L3MBTL3: variants seen among roughly 807,000 people sequenced by gnomAD.
L3MBTL3 encodes lethal(3)malignant brain tumor-like protein 3.
A neutral mutation model predicts 102.3 loss-of-function variants in L3MBTL3; 27 were observed. That is an observed-to-expected ratio of 0.26 (90% CI 0.19 to 0.36). L3MBTL3 has a LOEUF of 0.36. Ranked by LOEUF, L3MBTL3 falls within the 10% of genes least tolerant of loss-of-function variation. The pLI, the probability that L3MBTL3 is intolerant of heterozygous loss-of-function variation, is 1.00. For synonymous variants in L3MBTL3, 340 were observed against 320.9 expected, an observed-to-expected ratio of 1.06 and a Z score of -0.64; for missense variants, 798 against 955.3, an observed-to-expected ratio of 0.84 and a Z score of 2.17.
At chr6:130,064,294 TGAGACTA>T (rs1782098898) in intron 10 of L3MBTL3, among the ~76,000 whole-genome samples, 2 of 152,166 alleles carry the variant, frequency 1.3e-5, no homozygotes, top group South Asian at 4.1e-4. Context: ...AGGATCAGTG[TGAGACTA>T]GAGTTTCTGT....
intron 2 of L3MBTL3, among the ~76,000 whole-genome samples, chr6:130,031,985 C>A (rs1779752751): frequency 6.6e-6 from 1 of 152,056 alleles, no homozygotes; most frequent in African/African-American, 2.4e-5. Context: ...GATCATAGCT[C>A]ACTGAAGCCT....
At chr6:130,095,819 ACCGCT>A (rs1466414918) in intron 18 of L3MBTL3, among the ~76,000 whole-genome samples, 1 of 152,116 alleles carries the variant, frequency 6.6e-6, no homozygotes, top group African/African-American at 2.4e-5. Context: ...TTTTATAACA[ACCGCT>A]CCCATGATAA....
intron 18 of L3MBTL3, among the ~76,000 whole-genome samples, chr6:130,103,634 G>A (rs770619821): frequency 6.6e-6 from 1 of 152,218 alleles, no homozygotes; most frequent in Non-Finnish European, 1.5e-5. Flanking sequence ...GGAGGCCCAT[G>A]TATATTGGGG....
chr6:130,102,014 T>C (rs950343949), intron 18 of L3MBTL3, among the ~76,000 whole-genome samples: 1 of 152,092 alleles, frequency 6.6e-6, no homozygotes, highest in African/African-American at 2.4e-5. Context: ...GCAAGTAACA[T>C]CTCTGCTTGG....
At chr6:130,104,750 TA>T (rs1784887323) in intron 19 of L3MBTL3, among the ~76,000 whole-genome samples, 175 bp downstream of exon 19, 1 of 151,860 alleles carries the variant, frequency 6.6e-6, no homozygotes, top group Non-Finnish European at 1.5e-5. Context: ...AAAAAAAAAT[TA>T]GAGAATTGAT....
chr6:130,037,507 GAA>G (rs1180764648), intron 2 of L3MBTL3, among the ~76,000 whole-genome samples: 1 of 151,882 alleles, frequency 6.6e-6, no homozygotes, highest in Non-Finnish European at 1.5e-5. Flanking sequence ...TAGTGAGAGA[GAA>G]GTCATACTAA....
chr6:130,109,961 T>G (rs1785246301), intron 19 of L3MBTL3, among the ~76,000 whole-genome samples: 1 of 152,232 alleles, frequency 6.6e-6, no homozygotes, highest in Non-Finnish European at 1.5e-5. Context: ...GAAAATCGTT[T>G]CCCGCTTGCT....
At chr6:130,081,357 G>GC (rs1293583088) in intron 14 of L3MBTL3, among the ~76,000 whole-genome samples, 2 of 151,856 alleles carry the variant, frequency 1.3e-5, no homozygotes, top group African/African-American at 4.8e-5. Context: ...TTTAAATTGT[G>GC]CAAGATGTGT....
chr6:130,072,807 A>G (rs1367813898), intron 13 of L3MBTL3, among the ~76,000 whole-genome samples: 1 of 152,178 alleles, frequency 6.6e-6, no homozygotes, highest in Admixed American at 6.6e-5. Context: ...TAACATACTT[A>G]AATATTTCTC....
intron 18 of L3MBTL3, among the ~76,000 whole-genome samples, chr6:130,101,057 A>T (rs1431896860): frequency 6.6e-6 from 1 of 152,254 alleles, no homozygotes; most frequent in African/African-American, 2.4e-5. Context: ...ATTTAGAGAA[A>T]CTAAAAAAGT....
At position 130,060,219 on chromosome 6, in the gene L3MBTL3, T is replaced by C. The variant is rs111358917; in HGVS notation, c.864+79T>C. ...TAAAATGAGGAAAAACTGCCATTGGTTGTATTTCATGCCAGGCATGGTGCT... is the reference window on the plus strand; with the variant it reads ...TAAAATGAGGAAAAACTGCCATTGGCTGTATTTCATGCCAGGCATGGTGCT... On this transcript the variant is annotated intron_variant, in intron 10 of 22. Coordinates refer to ENST00000361794, the MANE Select transcript of L3MBTL3 (RefSeq NM_032438.4). 2.2e-5 allele frequency: 17 copies of C among 780,978 alleles called. 1 individual carries two copies. Among genetic ancestry groups the C allele is most frequent in the African/African-American group, 2.1e-4 (12 of 56,412 alleles). The allele number at this position is 780,978 out of a possible 1,614,324, so 48.4% of individuals were successfully genotyped here. A position where few individuals can be genotyped will look rare whatever the true frequency, so the allele number is the denominator to read the frequency against.
intron 2 of L3MBTL3, among the ~76,000 whole-genome samples, chr6:130,030,589 C>G (rs573317645): frequency 6.8e-6 from 1 of 146,930 alleles, no homozygotes; most frequent in East Asian, 2.1e-4. Flanking sequence ...ATGGCGTGAA[C>G]CTGGGAGGCG....
At chr6:130,061,082 CTTTT>C (rs146750598) in intron 10 of L3MBTL3, among the ~76,000 whole-genome samples, 7 of 114,124 alleles carry the variant, frequency 6.1e-5, no homozygotes, top group Admixed American at 1.0e-4. Context: ...TCTGTTAGCT[CTTTT>C]TTTTTTTTTT....
intron 16 of L3MBTL3, among the ~76,000 whole-genome samples, chr6:130,091,790 G>A (rs1784064910): frequency 6.6e-6 from 1 of 152,014 alleles, no homozygotes; most frequent in Non-Finnish European, 1.5e-5. Context: ...TCACTCATAT[G>A]TGGGAGCTAA....
intron 14 of L3MBTL3, among the ~76,000 whole-genome samples, chr6:130,080,592 C>T (rs1025383089): frequency 2.6e-4 from 40 of 152,124 alleles, no homozygotes; most frequent in East Asian, 5.8e-4. Context: ...GCGTTATTGC[C>T]GACTTCTTAA....
rs746571900 is a variant in L3MBTL3, at chr6:130,104,557, C to T, written c.1868C>T (p.Ser623Phe). Residue 623 changes from serine to phenylalanine, a missense_variant, in exon 19 of 23, where the codon TCT becomes TTT. Physicochemically the swap from Ser to Phe is radical, Grantham distance 155 (BLOSUM62 -2). This residue lies in a region of L3MBTL3 where 306 missense variants were observed against 314.4 expected (regional missense o/e 0.97). Coordinates refer to ENST00000361794, the MANE Select transcript of L3MBTL3 (RefSeq NM_032438.4). ...RNKRTDANESSSSPEIRDQHA... is the reference protein window; with the variant it reads ...RNKRTDANESFSSPEIRDQHA... ...AAAAGGACAGATGCAAATGAAAGCT[C>T]TTCTTCCCCTGAAATCAGGTAATCA... 6.4e-7 allele frequency: 1 copy of T among 1,574,630 alleles called. No individual in the cohort carries two copies. The highest frequency in any genetic ancestry group is 8.6e-7 in the Non-Finnish European group (1 of 1,164,936).
intron 3 of L3MBTL3, among the ~76,000 whole-genome samples, chr6:130,044,271 A>G (rs968568969): frequency 1.3e-5 from 2 of 152,204 alleles, no homozygotes; most frequent in South Asian, 4.1e-4. Context: ...GAAAAAAATA[A>G]TAGAGAACAC....
chr6:130,120,989 T>G (rs773415590), intron 20 of L3MBTL3, 31 bp downstream of exon 20: 14 of 1,322,760 alleles, frequency 1.1e-5, no homozygotes, highest in African/African-American at 1.5e-5. Flanking sequence ...ATTACTAATG[T>G]GTATTACTGC....
In L3MBTL3 at chr6:130,086,218, A is replaced by G. The variant is rs770171875; in HGVS notation, c.1486A>G (p.Thr496Ala). Residue 496 changes from threonine (T) to alanine (A), a missense_variant, in exon 16 of 23, where the codon ACT becomes GCT. Physicochemically the swap from Thr to Ala is moderately conservative, Grantham distance 58. Around this residue, in one of 4 missense-constraint regions of L3MBTL3, gnomAD observed 306 missense variants for 314.4 expected, o/e 0.97. Coordinates refer to ENST00000361794, the MANE Select transcript of L3MBTL3 (RefSeq NM_032438.4). ...GAACCCTATGTTTATTAGAGTAGCA[A>G]CTGTGGCAGACACAGATGATCACCG... Reference protein sequence around the residue: ...KRNPMFIRVATVADTDDHRVK... With the variant: ...KRNPMFIRVAAVADTDDHRVK... 4 of 1,612,270 alleles carry G rather than the reference A, an allele frequency of 2.5e-6. No individual in the cohort carries two copies. Among genetic ancestry groups the G allele is most frequent in the South Asian group, 1.1e-5 (1 of 90,832 alleles).
Sources: gnomAD v4.1 joint callset for allele counts (sites outside exome capture counted in the v4.1 genomes callset) on GRCh38, gnomAD v4.1.1 for gene constraint, gnomAD v4.1.1 regional missense constraint, MANE v1.5 for transcripts, NCBI Gene and HGNC (gene_info 2026-07-23, HGNC 2026-07-21) for gene names.